Variants in AMZ1 observed in about 807,000 individuals in gnomAD.
The protein encoded by AMZ1 is archaelysin family metallopeptidase 1.
AMZ1 carries 39 observed loss-of-function variants against 29.9 expected under a neutral mutation model. That is an observed-to-expected ratio of 1.30 (90% confidence interval 1.01 to 1.70). The LOEUF (loss-of-function observed/expected upper bound fraction) is 1.70, where lower values mean the gene tolerates loss of function less well. Ranked by LOEUF, AMZ1 falls within the 40% of genes most tolerant of loss-of-function variation. The probability of loss-of-function intolerance (pLI) is 0.00; values close to 1 mark genes in which losing one functional copy is unlikely to be tolerated. For synonymous variants in AMZ1, 458 were observed against 304.0 expected, an observed-to-expected ratio of 1.51 and a Z score of -5.27; for missense variants, 1,041 against 680.6, an observed-to-expected ratio of 1.53 and a Z score of -5.89.
At chr7:2,699,965 GGAT>G (rs1179241139) in intron 1 of AMZ1, among the ~76,000 whole-genome samples, 1 of 152,152 alleles carries the variant, frequency 6.6e-6, no homozygotes, top group Non-Finnish European at 1.5e-5. Flanking sequence ...ACCCAGTTCT[GGAT>G]GAGGGAAGCT....
intron 4 of AMZ1, among the ~76,000 whole-genome samples, chr7:2,741,476 T>G (rs935176329): frequency 6.6e-6 from 1 of 152,190 alleles, no homozygotes; most frequent in African/African-American, 2.4e-5. Context: ...CATGTCACAG[T>G]TGGACTGCCT....
Position 2,752,257 on chromosome 7 carries a change from C to CCT in AMZ1, n.551-12449_551-12448dup, listed in dbSNP as rs1791078115. ...CATGCTCAGGGCTTAAAAAAAAAGT[C>CCT]CTCTCTCACCAGACTAATAGAAAGA... On this transcript the variant is annotated intron_variant and non_coding_transcript_variant, in intron 4 of 4. Coordinates refer to the AMZ1 transcript ENST00000489665. Among the ~76,000 whole-genome samples the CCT allele has an allele frequency of 1.3e-5, 2 of 151,984 alleles. 1 individual carries two copies. The highest frequency in any genetic ancestry group is 4.2e-4 in the South Asian group (2 of 4,814).
At chr7:2,762,850 C>A (rs571438333), upstream of AMZ1, 119 of 1,482,174 alleles carry the variant, frequency 8.0e-5, 1 homozygote, top group African/African-American at 1.1e-3. Flanking sequence ...GGCTCCGAAG[C>A]AGGAGAGGGC....
intron 1 of AMZ1, among the ~76,000 whole-genome samples, chr7:2,689,910 T>G (rs372088321): frequency 1.6e-4 from 24 of 152,268 alleles, no homozygotes; most frequent in East Asian, 1.5e-3. Flanking sequence ...AGGGCTCACA[T>G]GCAGCTCTGG....
At chr7:2,704,257 C>G (rs1273828311) in intron 3 of AMZ1, among the ~76,000 whole-genome samples, 1 of 152,168 alleles carries the variant, frequency 6.6e-6, no homozygotes, top group African/African-American at 2.4e-5. Flanking sequence ...AATCCCAGTA[C>G]TTTGAGAGGC....
In AMZ1 at chr7:2,708,590, G is replaced by A. The variant is rs143529313; in HGVS notation, c.475G>A (p.Gly159Ser). ...DSDRLQLHTD[G>S]ILSFLKNNKP... ...ATCCTCTGGCCCTCTCCCCGCAGAC[G>A]GCATCCTGTCCTTCTTGAAGAACAA... Residue 159 changes from glycine (G) to serine (S), a missense_variant and splice_region_variant, in exon 4 of 7, where the codon GGC becomes AGC. Physicochemically the swap from Gly to Ser is moderately conservative, Grantham distance 56. Transcript: ENST00000683327. 3.4e-4 allele frequency: 544 copies of A among 1,612,298 alleles called. 3 individuals are homozygous for A. The highest frequency in any genetic ancestry group is 1.8e-3 in the South Asian group (164 of 91,080).
chr7:2,685,502 G>A (rs1465126044), upstream of AMZ1, among the ~76,000 whole-genome samples: 1 of 150,970 alleles, frequency 6.6e-6, no homozygotes, highest in Admixed American at 6.6e-5. Flanking sequence ...AGTTTGCAGT[G>A]AGCCGAGATC....
At position 2,719,022 on chromosome 7, in the gene AMZ1, TTTC is replaced by T. The variant is rs753813710; in HGVS notation, c.*6145_*6147del. ...AGAACAGGCGACTTTTTTTTTTTTT[TTTC>T]CCCCCCATCTGAAGTGAGATCAAAC... On this transcript the variant is annotated 3_prime_UTR_variant, in exon 7 of 7. Transcript: ENST00000683327. Among the ~76,000 whole-genome samples the T allele has an allele frequency of 6.7e-4, 65 of 96,430 alleles. No individual in the cohort carries two copies. The highest frequency in any genetic ancestry group is 1.4e-3 in the African/African-American group (32 of 22,110). The allele number at this position is 96,430 out of a possible 152,430, so 63.3% of individuals were successfully genotyped here. A position where few individuals can be genotyped will look rare whatever the true frequency, so the allele number is the denominator to read the frequency against.
chr7:2,680,159 G>T (rs1172511324), intron 1 of AMZ1, among the ~76,000 whole-genome samples: 2 of 152,148 alleles, frequency 1.3e-5, no homozygotes, highest in African/African-American at 4.8e-5. Flanking sequence ...GATGCTCCTT[G>T]GTGACAGTGG....
At chr7:2,727,296 G>T (rs1234418747) in intron 4 of AMZ1, among the ~76,000 whole-genome samples, 5 of 152,118 alleles carry the variant, frequency 3.3e-5, no homozygotes, top group Admixed American at 3.3e-4. Flanking sequence ...TGGCCAGGAT[G>T]GTCTCGATCT....
intron 4 of AMZ1, among the ~76,000 whole-genome samples, chr7:2,752,561 A>T (rs1264586536): frequency 1.3e-5 from 2 of 152,208 alleles, no homozygotes; most frequent in Admixed American, 1.3e-4. Flanking sequence ...AGGAAGCTAT[A>T]AAAAAGCTAG....
chr7:2,756,653 T>A (rs1325358165), intron 4 of AMZ1, among the ~76,000 whole-genome samples: 1 of 152,148 alleles, frequency 6.6e-6, no homozygotes, highest in Non-Finnish European at 1.5e-5. Context: ...ATCTGTGTGA[T>A]CTTGGGTTAG....
chr7:2,762,959 G>C (rs973334453), upstream of AMZ1: 7 of 1,362,610 alleles, frequency 5.1e-6, no homozygotes, highest in South Asian at 1.8e-5. Flanking sequence ...CCGTGCCAGG[G>C]TCTCCTGCTC....
At chr7:2,700,127 C>T in intron 1 of AMZ1, 107 bp from the exon 2 acceptor site, 1 of 375,960 alleles carries the variant, frequency 2.7e-6, no homozygotes, top group Non-Finnish European at 4.9e-6. Context: ...CCCTCGTCCT[C>T]TGCAGAGCTT....
chr7:2,709,267 G>C (rs58748470), intron 5 of AMZ1, 23 bp downstream of exon 5: 236,911 of 1,481,156 alleles, frequency 0.16, 23,910 homozygotes, highest in East Asian at 0.56. Flanking sequence ...TCTGGGGCTG[G>C]TAAGAGGGGA....
upstream of AMZ1, among the ~76,000 whole-genome samples, chr7:2,685,235 A>G (rs1389219184): frequency 6.6e-6 from 1 of 151,732 alleles, no homozygotes; most frequent in Non-Finnish European, 1.5e-5. Context: ...AGGATATTCC[A>G]CAACTTCTTT....
chr7:2,734,258 C>T (rs1401213829), intron 4 of AMZ1, among the ~76,000 whole-genome samples: 1 of 152,212 alleles, frequency 6.6e-6, no homozygotes, highest in Non-Finnish European at 1.5e-5. Flanking sequence ...CCACCGACCA[C>T]AGAGCAGCCC....
At chr7:2,705,760 C>T (rs6944291) in intron 3 of AMZ1, among the ~76,000 whole-genome samples, 70,683 of 152,116 alleles carry the variant, frequency 0.46, 19,208 homozygotes, top group East Asian at 0.82. Flanking sequence ...ACAGCCTACA[C>T]TCCACAGGCT....
At chr7:2,706,198 T>A (rs1211520773) in intron 3 of AMZ1, among the ~76,000 whole-genome samples, 1 of 152,196 alleles carries the variant, frequency 6.6e-6, no homozygotes, top group Admixed American at 6.5e-5. Flanking sequence ...TTTTTAGAGA[T>A]GGGGTCTTGC....
Sources: allele counts gnomAD v4.1 joint callset (sites outside exome capture counted in the v4.1 genomes callset), GRCh38; gene constraint gnomAD v4.1.1; transcripts MANE v1.5; gene names NCBI Gene and HGNC (gene_info 2026-07-23, HGNC 2026-07-21).